Variants in TYW1 observed in about 807,000 individuals in gnomAD.
TYW1 encodes the protein tRNA-yW synthesizing protein 1 homolog.
TYW1 carries 46 observed loss-of-function variants against 96.2 expected under a neutral mutation model. That is an observed-to-expected ratio of 0.48 (90% CI 0.38 to 0.61). The LOEUF is 0.61. Ranked by LOEUF, TYW1 falls within the 20% of genes least tolerant of loss-of-function variation. The probability of loss-of-function intolerance (pLI) is 0.00; values close to 1 mark genes in which losing one functional copy is unlikely to be tolerated. For synonymous variants in TYW1, 274 were observed against 323.0 expected (o/e 0.85, Z 1.63); for missense variants, 684 against 909.6 (o/e 0.75, Z 3.19).
rs1181642628 is a variant in TYW1, at chr7:67,090,989, T to C, written c.1384+7450T>C. Among the ~76,000 whole-genome samples the C allele has an allele frequency of 2.0e-5, 3 of 152,136 alleles. No homozygotes were observed. The East Asian group carries it at 5.8e-4, about 29-fold the overall frequency. On this transcript the variant is annotated intron_variant, in intron 11 of 15. Coordinates refer to ENST00000359626, the MANE Select transcript of TYW1 (RefSeq NM_018264.4). ...TGGGACTGTAAACTAGTTCAACCATTGTGGAAGACAGTGTGGCGATTCCTC... is the reference window on the plus strand; with the variant it reads ...TGGGACTGTAAACTAGTTCAACCATCGTGGAAGACAGTGTGGCGATTCCTC...
At chr7:67,158,597 T>G (rs1228113065) in intron 13 of TYW1, among the ~76,000 whole-genome samples, 2 of 150,436 alleles carry the variant, frequency 1.3e-5, no homozygotes, top group South Asian at 2.1e-4. Flanking sequence ...GGAGACGGAG[T>G]CTTGCTCTGT....
At chr7:67,134,585 A>ACTCTG (rs1266668978) in intron 13 of TYW1, among the ~76,000 whole-genome samples, 5 of 151,638 alleles carry the variant, frequency 3.3e-5, no homozygotes, top group African/African-American at 7.3e-5. Flanking sequence ...TATCCAAACA[A>ACTCTG]CTCTGTGAAC....
At chr7:67,029,953 G>A (rs887024760) in intron 7 of TYW1, among the ~76,000 whole-genome samples, 1 of 152,108 alleles carries the variant, frequency 6.6e-6, no homozygotes, top group Non-Finnish European at 1.5e-5. Context: ...CCACAGATCA[G>A]AAACGGTCAA....
intron 7 of TYW1, among the ~76,000 whole-genome samples, chr7:67,033,551 A>G (rs1238441680): frequency 3.3e-5 from 5 of 152,186 alleles, no homozygotes; most frequent in African/African-American, 7.2e-5. Flanking sequence ...AGAGGTAAGA[A>G]GCTGACAGCT....
chr7:67,013,973 G>A (rs1231138447), intron 4 of TYW1, among the ~76,000 whole-genome samples: 1 of 151,824 alleles, frequency 6.6e-6, no homozygotes, highest in African/African-American at 2.4e-5. Context: ...TCGATCTCCT[G>A]ACATTGTGAT....
chr7:67,228,639 C>A (rs1336152544), intron 15 of TYW1, among the ~76,000 whole-genome samples: 2 of 152,162 alleles, frequency 1.3e-5, no homozygotes, highest in Admixed American at 1.3e-4. Flanking sequence ...TAATAAATAG[C>A]TTGTGGGGTA....
intron 13 of TYW1, among the ~76,000 whole-genome samples, chr7:67,144,818 A>G (rs1798556098): frequency 6.6e-6 from 1 of 152,066 alleles, no homozygotes; most frequent in Admixed American, 6.6e-5. Context: ...GCAGTCTTTC[A>G]ATACAACGTT....
At chr7:67,103,653 A>G (rs1563015331) in intron 12 of TYW1, among the ~76,000 whole-genome samples, 1 of 152,246 alleles carries the variant, frequency 6.6e-6, no homozygotes, top group Non-Finnish European at 1.5e-5. Flanking sequence ...TTCTGTGAAT[A>G]GGAGGAATCA....
chr7:67,029,740 A>T (rs1262852619), intron 7 of TYW1, among the ~76,000 whole-genome samples: 2 of 152,050 alleles, frequency 1.3e-5, no homozygotes, highest in African/African-American at 2.4e-5. Context: ...TCACTCCTTC[A>T]TCCAGACTGA....
intron 13 of TYW1, among the ~76,000 whole-genome samples, chr7:67,131,942 C>T (rs1798087189): frequency 6.6e-6 from 1 of 152,166 alleles, no homozygotes; most frequent in African/African-American, 2.4e-5. Context: ...CGTTCTTCTG[C>T]CTGCTTTTAT....
At chr7:67,144,436 C>G (rs1798542890) in intron 13 of TYW1, among the ~76,000 whole-genome samples, 1 of 152,144 alleles carries the variant, frequency 6.6e-6, no homozygotes, top group Non-Finnish European at 1.5e-5. Context: ...CAGGTCACCT[C>G]TTTGTGTTGC....
chr7:67,206,099 G>A (rs1800789476), intron 15 of TYW1, among the ~76,000 whole-genome samples: 2 of 152,210 alleles, frequency 1.3e-5, no homozygotes, highest in South Asian at 4.1e-4. Context: ...ATCTCCTAGT[G>A]AACAGTAATG....
At chr7:67,020,869 A>C (rs1794230496) in intron 6 of TYW1, among the ~76,000 whole-genome samples, 1 of 152,278 alleles carries the variant, frequency 6.6e-6, no homozygotes, top group Non-Finnish European at 1.5e-5. Flanking sequence ...CTCTATTAAA[A>C]ATACAAAAAT....
chr7:67,181,017 G>A (rs1256890207), intron 13 of TYW1, among the ~76,000 whole-genome samples: 1 of 151,244 alleles, frequency 6.6e-6, no homozygotes, highest in African/African-American at 2.4e-5. Context: ...TTTTTTTAAT[G>A]TTAAGGATGT....
At chr7:67,108,265 T>C (rs1004365230) in intron 12 of TYW1, among the ~76,000 whole-genome samples, 2 of 152,140 alleles carry the variant, frequency 1.3e-5, no homozygotes, top group East Asian at 1.9e-4. Flanking sequence ...CTGAATAATA[T>C]AGTCTCAAGA....
At chr7:67,113,344 C>T (rs1797483748) in intron 12 of TYW1, among the ~76,000 whole-genome samples, 1 of 152,202 alleles carries the variant, frequency 6.6e-6, no homozygotes, top group African/African-American at 2.4e-5. Context: ...GAATGAAGTG[C>T]ATAAGCCCCT....
At chr7:67,082,685 C>G (rs116271028) in intron 10 of TYW1, among the ~76,000 whole-genome samples, 5,139 of 151,896 alleles carry the variant, frequency 0.034, 257 homozygotes, top group African/African-American at 0.12. Flanking sequence ...GGGAGCTGGT[C>G]CTTGGGCCCT....
intron 9 of TYW1, among the ~76,000 whole-genome samples, chr7:67,065,740 G>T (rs1795836467): frequency 6.6e-6 from 1 of 151,668 alleles, no homozygotes; most frequent in South Asian, 2.1e-4. Flanking sequence ...CTTTCATTGT[G>T]GACAGGCTTA....
chr7:67,087,550 A>G (rs1016340369), intron 11 of TYW1, among the ~76,000 whole-genome samples: 3 of 152,114 alleles, frequency 2.0e-5, no homozygotes, highest in Admixed American at 6.5e-5. Context: ...TAAAAATGGT[A>G]TTTATACAGT....
Sources: allele counts gnomAD v4.1 joint callset (sites outside exome capture counted in the v4.1 genomes callset), GRCh38; gene constraint gnomAD v4.1.1; transcripts MANE v1.5; gene names NCBI Gene and HGNC (gene_info 2026-07-23, HGNC 2026-07-21).